CEP85L: variants seen among roughly 807,000 people sequenced by gnomAD.
CEP85L encodes centrosomal protein of 85 kDa-like.
Under a neutral mutation model 100.3 loss-of-function variants are expected in CEP85L, and 60 were observed. The ratio of observed to expected loss-of-function variants is 0.60; its 90% CI spans 0.49 to 0.74. The LOEUF is 0.74. Among genes scored for constraint, CEP85L ranks in the 30% least tolerant of loss-of-function variants. The pLI, the probability that CEP85L is intolerant of heterozygous loss-of-function variation, is 0.00. For missense variants in CEP85L, 973 were observed against 936.2 expected (o/e 1.04, Z -0.51); for synonymous variants, 319 against 322.7 (o/e 0.99, Z 0.12).
At chr6:118,465,689 G>A (rs1241552257) in intron 12 of CEP85L, 121 bp from the exon 13 acceptor site, 1 of 815,896 alleles carries the variant, frequency 1.2e-6, no homozygotes, top group East Asian at 2.6e-5. Flanking sequence ...TGAGGCTCAG[G>A]TTCAAGTTAT....
At chr6:118,473,577 GA>G (rs1356169408) in intron 10 of CEP85L, among the ~76,000 whole-genome samples, 1 of 151,994 alleles carries the variant, frequency 6.6e-6, no homozygotes, top group Non-Finnish European at 1.5e-5. Flanking sequence ...AAAAAAAAAT[GA>G]GGATCCACTG....
At chr6:118,706,391 T>C (rs34911654) in intron 1 of CEP85L, among the ~76,000 whole-genome samples, 9,315 of 152,240 alleles carry the variant, frequency 0.061, 358 homozygotes, top group African/African-American at 0.095. Context: ...GCAGAAACCC[T>C]GTAAGACTAA....
intron 2 of CEP85L, among the ~76,000 whole-genome samples, chr6:118,581,730 T>G (rs549260024): frequency 5.2e-4 from 79 of 152,218 alleles, no homozygotes; most frequent in Non-Finnish European, 1.0e-3. Flanking sequence ...TCTTTCTAGA[T>G]GGCCAACAGA....
chr6:118,551,304 T>C (rs930412423), intron 3 of CEP85L, among the ~76,000 whole-genome samples: 4 of 151,800 alleles, frequency 2.6e-5, no homozygotes, highest in Non-Finnish European at 5.9e-5. Flanking sequence ...GTACTCCATC[T>C]TTAGTTTTCA....
intron 1 of CEP85L, among the ~76,000 whole-genome samples, chr6:118,679,730 G>A (rs1453724375): frequency 6.6e-6 from 1 of 152,048 alleles, no homozygotes; most frequent in Non-Finnish European, 1.5e-5. Context: ...TAAATAATGT[G>A]GTCACCAAAC....
chr6:118,603,294 G>C (rs1562300438), intron 2 of CEP85L, among the ~76,000 whole-genome samples: 2 of 152,200 alleles, frequency 1.3e-5, no homozygotes, highest in East Asian at 3.8e-4. Context: ...TACAGGGACT[G>C]TGTAGGCAAG....
intron 3 of CEP85L, among the ~76,000 whole-genome samples, chr6:118,543,638 A>G (rs1778033947): frequency 2.0e-5 from 3 of 151,526 alleles, no homozygotes; most frequent in Non-Finnish European, 4.4e-5. Context: ...ATAATGAAGG[A>G]GTTCTATAAG....
At chr6:118,691,778 A>G (rs537574878) in intron 1 of CEP85L, among the ~76,000 whole-genome samples, 1 of 152,118 alleles carries the variant, frequency 6.6e-6, no homozygotes, top group African/African-American at 2.4e-5. Context: ...CATCATTTAA[A>G]CCTCTGTGCT....
At chr6:118,643,615 A>G (rs1416075755) in intron 1 of CEP85L, among the ~76,000 whole-genome samples, 2 of 152,232 alleles carry the variant, frequency 1.3e-5, no homozygotes, top group African/African-American at 4.8e-5. Context: ...AAGGAACTTA[A>G]AATCCTATCA....
chr6:118,638,404 G>C (rs1427129167), intron 1 of CEP85L, among the ~76,000 whole-genome samples: 2 of 151,826 alleles, frequency 1.3e-5, no homozygotes, highest in Non-Finnish European at 2.9e-5. Flanking sequence ...AAAATTCACA[G>C]TCTGAAAAGA....
At chr6:118,562,984 A>G (rs1018733259) in intron 3 of CEP85L, among the ~76,000 whole-genome samples, 1 of 152,142 alleles carries the variant, frequency 6.6e-6, no homozygotes. Flanking sequence ...GGGGCCATGG[A>G]AAGGGAAGGA....
chr6:118,504,277 A>C (rs1036617666), intron 5 of CEP85L, among the ~76,000 whole-genome samples: 2 of 152,130 alleles, frequency 1.3e-5, no homozygotes, highest in Non-Finnish European at 2.9e-5. Context: ...TAGGAGGCTG[A>C]GGCAGGAAAA....
At chr6:118,614,879 G>GATAT (rs1772918221) in intron 2 of CEP85L, among the ~76,000 whole-genome samples, 1 of 151,822 alleles carries the variant, frequency 6.6e-6, no homozygotes. Flanking sequence ...TAGATAGATA[G>GATAT]ATAGATAGAT....
At chr6:118,523,708 A>T (rs1307194019) in intron 4 of CEP85L, 94 bp downstream of exon 4, 1 of 580,260 alleles carries the variant, frequency 1.7e-6, no homozygotes, top group Non-Finnish European at 3.0e-6. Context: ...AAGGTTCTAG[A>T]TCTTAAATTC....
chr6:118,679,179 G>A (rs1339019932), intron 1 of CEP85L, among the ~76,000 whole-genome samples: 2 of 152,172 alleles, frequency 1.3e-5, no homozygotes, highest in Non-Finnish European at 2.9e-5. Flanking sequence ...TGTTTCCTGA[G>A]AACTCATTTT....
rs1271880474 is a variant in CEP85L, at chr6:118,464,525, A to T, written c.*880T>A. Reference sequence around the variant, plus strand: ...GCTATTGTTCCAGGGTAACTTTGTTAATCTTCCTTTTATAATAATGATCCA... The same window carrying T: ...GCTATTGTTCCAGGGTAACTTTGTTTATCTTCCTTTTATAATAATGATCCA... On this transcript the variant is annotated 3_prime_UTR_variant, in exon 13 of 13. Transcript: ENST00000368491. 1 of 152,078 alleles carries T rather than the reference A, an allele frequency of 6.6e-6. No individual in the cohort carries two copies. The highest frequency in any genetic ancestry group is 2.4e-5 in the African/African-American group (1 of 41,438). 9.4% of individuals were successfully genotyped at this position (152,078 alleles called of 1,614,324 possible).
At position 118,483,554 on chromosome 6, in the gene CEP85L, A is replaced by C. The variant is rs180839616; in HGVS notation, c.1590+152T>G. 4.7e-4 allele frequency: 300 copies of C among 637,792 alleles called. 1 individual carries two copies. Among genetic ancestry groups the C allele is most frequent in the Middle Eastern group, 7.9e-4 (2 of 2,516 alleles). 39.5% of individuals were successfully genotyped at this position (637,792 alleles called of 1,614,324 possible). ...ATTAACTGACAAGAAAGATCTACTT[A>C]TGCATGCTTAGATAAACAAAGTTTC... On this transcript the variant is annotated intron_variant, in intron 7 of 12. Coordinates refer to ENST00000368491, the MANE Select transcript of CEP85L (RefSeq NM_001042475.3).
At chr6:118,559,012 C>G in intron 3 of CEP85L, 1 of 1,604,470 alleles carries the variant, frequency 6.2e-7, no homozygotes, top group Non-Finnish European at 8.5e-7. Context: ...GCTACAGAAT[C>G]TATTTATCAA....
intron 1 of CEP85L, among the ~76,000 whole-genome samples, chr6:118,668,050 C>T (rs1004927542): frequency 1.3e-5 from 2 of 152,168 alleles, no homozygotes; most frequent in East Asian, 1.9e-4. Flanking sequence ...GTCTCAAAGC[C>T]GTTGACTTCT....
Sources: gnomAD v4.1 joint callset for allele counts (sites outside exome capture counted in the v4.1 genomes callset) on GRCh38, gnomAD v4.1.1 for gene constraint, MANE v1.5 for transcripts, NCBI Gene and HGNC (gene_info 2026-07-23, HGNC 2026-07-21) for gene names.